CHST9: variants seen among roughly 807,000 people sequenced by gnomAD.
CHST9 encodes GalNAc-4-sulfotransferase 2.
Under a neutral mutation model 44.4 loss-of-function variants are expected in CHST9, and 41 were observed. That is an observed-to-expected ratio of 0.92 (90% confidence interval 0.72 to 1.20). CHST9 has a LOEUF of 1.20. Among genes scored for constraint, CHST9 ranks in the 50% most tolerant of loss-of-function variants. The pLI, the probability that CHST9 is intolerant of heterozygous loss-of-function variation, is 0.00. For missense variants in CHST9, 504 were observed against 516.5 expected (o/e 0.98, Z 0.23); for synonymous variants, 171 against 178.4 (o/e 0.96, Z 0.33).
intron 2 of CHST9, among the ~76,000 whole-genome samples, chr18:27,141,452 G>A (rs2058564742): frequency 6.6e-6 from 1 of 151,958 alleles, no homozygotes; most frequent in Non-Finnish European, 1.5e-5. Context: ...TTAGCCGGGT[G>A]CAGTGGTTTG....
chr18:26,968,012 G>T (rs752474754), intron 4 of CHST9, among the ~76,000 whole-genome samples: 1 of 152,120 alleles, frequency 6.6e-6, no homozygotes, highest in Non-Finnish European at 1.5e-5. Context: ...TCAGGCCTTC[G>T]GCCGCAGACT....
chr18:27,152,797 C>A (rs114865772), intron 1 of CHST9, among the ~76,000 whole-genome samples: 1 of 151,168 alleles, frequency 6.6e-6, no homozygotes, highest in Non-Finnish European at 1.5e-5. Context: ...GATTTTTCTG[C>A]GGTGGTACAA....
At chr18:26,958,664 A>G (rs2056360224) in intron 4 of CHST9, among the ~76,000 whole-genome samples, 1 of 152,214 alleles carries the variant, frequency 6.6e-6, no homozygotes, top group South Asian at 2.1e-4. Context: ...TAAAAAATGG[A>G]CAAAAGATGT....
At chr18:27,174,307 T>C (rs1345948888) in intron 1 of CHST9, among the ~76,000 whole-genome samples, 1 of 152,116 alleles carries the variant, frequency 6.6e-6, no homozygotes, top group African/African-American at 2.4e-5. Flanking sequence ...AGGTTAGTTG[T>C]AGTGAAGAAA....
At chr18:27,051,588 C>A (rs2057567819) in intron 2 of CHST9, among the ~76,000 whole-genome samples, 1 of 152,098 alleles carries the variant, frequency 6.6e-6, no homozygotes, top group African/African-American at 2.4e-5. Context: ...CAAAGGCCTG[C>A]CAGCAGCCCC....
At chr18:27,030,002 A>C (rs1382125342) in intron 3 of CHST9, among the ~76,000 whole-genome samples, 1 of 152,198 alleles carries the variant, frequency 6.6e-6, no homozygotes, top group Non-Finnish European at 1.5e-5. Flanking sequence ...GCTGTTTTAA[A>C]ATGCCTGAGA....
At chr18:26,974,327 T>TTC (rs1214227062) in intron 4 of CHST9, among the ~76,000 whole-genome samples, 1 of 152,192 alleles carries the variant, frequency 6.6e-6, no homozygotes, top group Non-Finnish European at 1.5e-5. Flanking sequence ...ATGCAACACT[T>TTC]TCTCTAGTCA....
intron 4 of CHST9, among the ~76,000 whole-genome samples, chr18:27,018,542 G>A (rs766971843): frequency 6.6e-6 from 1 of 152,144 alleles, no homozygotes; most frequent in Non-Finnish European, 1.5e-5. Flanking sequence ...GAAAATCGAG[G>A]CTTGGTCTGA....
intron 2 of CHST9, among the ~76,000 whole-genome samples, chr18:27,117,182 T>C (rs906969492): frequency 5.3e-5 from 8 of 152,164 alleles, no homozygotes; most frequent in Admixed American, 2.6e-4. Context: ...ATATTTATGA[T>C]AGAAAAAAAT....
chr18:27,046,633 C>T (rs151206527), intron 3 of CHST9, among the ~76,000 whole-genome samples: 1 of 152,162 alleles, frequency 6.6e-6, no homozygotes, highest in Non-Finnish European at 1.5e-5. Flanking sequence ...AAGAAGTCTA[C>T]ATTCAGGCCA....
chr18:27,053,770 A>G (rs1178148332), intron 2 of CHST9, among the ~76,000 whole-genome samples: 1 of 152,116 alleles, frequency 6.6e-6, no homozygotes, highest in Non-Finnish European at 1.5e-5. Context: ...CCTTCACCCC[A>G]GTTCCCCATT....
intron 4 of CHST9, among the ~76,000 whole-genome samples, chr18:26,945,036 T>C (rs914776086): frequency 5.3e-5 from 8 of 152,146 alleles, no homozygotes; most frequent in African/African-American, 1.9e-4. Context: ...ATCAACGTTA[T>C]GTATGTCTTA....
rs1462660235 is a variant in CHST9, at chr18:26,908,018, A to G, written c.*8241T>C. 1.9e-5 allele frequency: 3 copies of G among 155,620 alleles called. No homozygotes were observed. Among genetic ancestry groups the G allele is most frequent in the Non-Finnish European group, 2.8e-5 (2 of 70,260 alleles). 9.6% of individuals were successfully genotyped at this position (155,620 alleles called of 1,614,324 possible). ...AGAACTGGGGGAGGGCAAAAAGTGA[A>G]GTTGTTTAATAGGTGCAGAGTATCC... On this transcript the variant is annotated 3_prime_UTR_variant, in exon 6 of 6. Transcript: ENST00000618847.
At chr18:26,981,838 C>A (rs896399694) in intron 4 of CHST9, among the ~76,000 whole-genome samples, 3 of 152,144 alleles carry the variant, frequency 2.0e-5, no homozygotes, top group African/African-American at 7.2e-5. Context: ...GAGTCAACTG[C>A]TAATTTGAAT....
chr18:26,929,324 C>T lies in CHST9; in HGVS notation c.241-11974G>A, dbSNP rs558961435. 2.6e-5 allele frequency among the ~76,000 whole-genome samples: 4 copies of T among 152,278 alleles called. 1 individual carries two copies. In the South Asian group the frequency reaches 8.3e-4, roughly 32 times the overall value. On this transcript the variant is annotated intron_variant, in intron 5 of 5. Coordinates refer to ENST00000618847, the MANE Select transcript of CHST9 (RefSeq NM_031422.6). The stretch of plus-strand genomic sequence containing the variant: ...AAATATCAGCCCTCTGATTCTCAAA[C>T]TCTGATACTGGGAAAAGGTAAGTCT...
chr18:27,022,616 G>A (rs1424599409), intron 4 of CHST9, among the ~76,000 whole-genome samples: 1 of 152,022 alleles, frequency 6.6e-6, no homozygotes, highest in Non-Finnish European at 1.5e-5. Context: ...TGTTTTACTT[G>A]GGCAATACAT....
At chr18:26,939,359 T>C (rs2056047813) in intron 5 of CHST9, among the ~76,000 whole-genome samples, 2 of 151,992 alleles carry the variant, frequency 1.3e-5, no homozygotes, top group African/African-American at 4.8e-5. Context: ...TATAAAGGAG[T>C]AGAATGGGAA....
intron 1 of CHST9, among the ~76,000 whole-genome samples, chr18:27,163,104 A>C (rs1188246579): frequency 6.6e-6 from 1 of 152,212 alleles, no homozygotes; most frequent in Admixed American, 6.5e-5. Flanking sequence ...CCTGGGTATC[A>C]GCAGTGGAGG....
At chr18:26,920,142 C>T (rs752654093) in intron 5 of CHST9, among the ~76,000 whole-genome samples, 1 of 152,174 alleles carries the variant, frequency 6.6e-6, no homozygotes, top group Non-Finnish European at 1.5e-5. Flanking sequence ...TCCTTGACCA[C>T]TTTGTTTTTA....
Sources: gnomAD v4.1 joint callset for allele counts (sites outside exome capture counted in the v4.1 genomes callset) on GRCh38, gnomAD v4.1.1 for gene constraint, MANE v1.5 for transcripts, NCBI Gene and HGNC (gene_info 2026-07-23, HGNC 2026-07-21) for gene names.